KIAA0513: variants seen among roughly 807,000 people sequenced by gnomAD.
KIAA0513 encodes KIAA0513, also known as uncharacterized protein KIAA0513.
Under a neutral mutation model 56.5 loss-of-function variants are expected in KIAA0513, and 39 were observed. That is an observed-to-expected ratio of 0.69 (90% confidence interval 0.53 to 0.90). The LOEUF is 0.90. KIAA0513 is among the 40% of genes least tolerant of loss of function. KIAA0513 has a pLI of 0.00. For synonymous variants in KIAA0513, 268 were observed against 215.6 expected, an observed-to-expected ratio of 1.24 and a Z score of -2.13; for missense variants, 591 against 535.2, an observed-to-expected ratio of 1.10 and a Z score of -1.03.
chr16:85,037,228 C>A (rs780462312), intron 1 of KIAA0513, among the ~76,000 whole-genome samples: 5 of 151,934 alleles, frequency 3.3e-5, no homozygotes, highest in Admixed American at 6.6e-5. Flanking sequence ...GCGTGACTCA[C>A]AAGCAGATGA....
intron 6 of KIAA0513, 47 bp from the exon 7 acceptor site, chr16:85,078,368 G>A: frequency 3.7e-6 from 6 of 1,608,388 alleles, no homozygotes; most frequent in Non-Finnish European, 5.1e-6. Context: ...AGTTGAGAAA[G>A]TGTGGTGTGA....
At chr16:85,075,808 GCGAT>G in intron 4 of KIAA0513, 32 bp from the exon 5 acceptor site, 1 of 1,608,080 alleles carries the variant, frequency 6.2e-7, no homozygotes, top group Non-Finnish European at 8.5e-7. Flanking sequence ...AGCAGGTGGA[GCGAT>G]CTTTAGCCAT....
At chr16:85,056,542 C>T (rs1332093315) in intron 1 of KIAA0513, among the ~76,000 whole-genome samples, 1 of 152,222 alleles carries the variant, frequency 6.6e-6, no homozygotes, top group Non-Finnish European at 1.5e-5. Context: ...CCACTTAAAA[C>T]CCACCCAGCC....
At chr16:85,043,568 C>T (rs972385861) in intron 1 of KIAA0513, among the ~76,000 whole-genome samples, 4 of 152,044 alleles carry the variant, frequency 2.6e-5, no homozygotes, top group Admixed American at 1.3e-4. Flanking sequence ...TGCGCCACCA[C>T]ACCCGACTAA....
At chr16:85,064,381 A>T (rs972962536) in intron 1 of KIAA0513, among the ~76,000 whole-genome samples, 4 of 152,100 alleles carry the variant, frequency 2.6e-5, no homozygotes, top group African/African-American at 9.7e-5. Flanking sequence ...TGCAATGAGC[A>T]TTTTTCTCTA....
intron 1 of KIAA0513, among the ~76,000 whole-genome samples, chr16:85,062,733 C>T (rs760402185): frequency 2.6e-5 from 4 of 152,202 alleles, no homozygotes; most frequent in Non-Finnish European, 4.4e-5. Context: ...TGTAGAAGCT[C>T]TGATACTCCT....
At chr16:85,084,432 T>C (rs1431634856) in intron 10 of KIAA0513, among the ~76,000 whole-genome samples, 1 of 140,478 alleles carries the variant, frequency 7.1e-6, no homozygotes, top group South Asian at 2.3e-4. Flanking sequence ...TCGTTCTCTT[T>C]TTTTTTTTTT....
At chr16:85,087,307 C>T (rs1253329337) in intron 12 of KIAA0513, 141 bp downstream of exon 12, 6 of 675,758 alleles carry the variant, frequency 8.9e-6, no homozygotes, top group South Asian at 8.6e-5. Context: ...CGGCAGACGG[C>T]CCCTCCTTTC....
Position 85,093,170 on chromosome 16 carries a change from T to G in KIAA0513, c.*4845T>G, listed in dbSNP as rs1284884535. ...GCCTGCAGAGTGCAGTGAGTGAGAG[T>G]CCTTGGGAGCGCGGCGCTGCCTGTA... On this transcript the variant is annotated 3_prime_UTR_variant, in exon 13 of 13. Coordinates refer to ENST00000683363, the MANE Select transcript of KIAA0513 (RefSeq NM_001388359.1). 6.6e-6 allele frequency: 1 copy of G among 150,764 alleles called. No homozygotes were observed. The highest frequency in any genetic ancestry group is 6.6e-5 in the Admixed American group (1 of 15,186). 9.3% of individuals were successfully genotyped at this position (150,764 alleles called of 1,614,324 possible).
chr16:85,060,989 A>G (rs913731865), intron 1 of KIAA0513, among the ~76,000 whole-genome samples: 2 of 152,002 alleles, frequency 1.3e-5, no homozygotes, highest in African/African-American at 4.8e-5. Context: ...CCCCATCTCT[A>G]CTAAAAATAC....
chr16:85,047,719 G>C (rs1430742157), intron 1 of KIAA0513, among the ~76,000 whole-genome samples: 2 of 152,116 alleles, frequency 1.3e-5, no homozygotes, highest in Non-Finnish European at 2.9e-5. Flanking sequence ...CTCAGAACCA[G>C]GTGACCCCTT....
At chr16:85,033,855 C>T (rs1023186185) in intron 1 of KIAA0513, among the ~76,000 whole-genome samples, 3 of 152,170 alleles carry the variant, frequency 2.0e-5, no homozygotes, top group Non-Finnish European at 4.4e-5. Flanking sequence ...AGAAAGATGT[C>T]GTAGTTTGTC....
chr16:85,077,595 G>A lies in KIAA0513; in HGVS notation c.745G>A (p.Glu249Lys), dbSNP rs1232022775. Residue 249 changes from glutamate to lysine, a missense_variant, in exon 6 of 13, where the codon GAG becomes AAG. By Grantham distance (56) the Glu-to-Lys change is moderately conservative (BLOSUM62 1). Coordinates refer to ENST00000683363, the MANE Select transcript of KIAA0513 (RefSeq NM_001388359.1). ...TGTCAAGGGCTTCTTCGGGGGGCTG[G>A]AGACCAAGCTGAAGGGGCCCCTGGC... ...ENVKGFFGGLETKLKGPLARR... is the reference protein window; with the variant it reads ...ENVKGFFGGLKTKLKGPLARR... 1.9e-6 allele frequency: 3 copies of A among 1,613,790 alleles called. No individual in the cohort carries two copies.
intron 8 of KIAA0513, among the ~76,000 whole-genome samples, chr16:85,080,821 G>T (rs913305619): frequency 4.6e-5 from 7 of 152,158 alleles, no homozygotes; most frequent in African/African-American, 1.7e-4. Flanking sequence ...AATAAAATAA[G>T]AATGTTTTTT....
intron 1 of KIAA0513, among the ~76,000 whole-genome samples, chr16:85,059,211 G>A (rs978086710): frequency 6.6e-6 from 1 of 151,730 alleles, no homozygotes; most frequent in East Asian, 1.9e-4. Context: ...ATGACCTCAT[G>A]GTAGAAGTGA....
At chr16:85,054,563 G>A (rs112502738) in intron 1 of KIAA0513, among the ~76,000 whole-genome samples, 2,532 of 151,738 alleles carry the variant, frequency 0.017, 34 homozygotes, top group South Asian at 0.056. Context: ...CCAAGTAGCT[G>A]GGATTGCAGG....
At position 85,089,021 on chromosome 16, in the gene KIAA0513, G is replaced by A. The variant is rs2073841372; in HGVS notation, c.*696G>A. On this transcript the variant is annotated 3_prime_UTR_variant, in exon 13 of 13. Transcript: ENST00000683363. The surrounding 1 kb of genome is among the most constrained non-coding windows in gnomAD (Gnocchi z 4.2). Reference sequence around the variant, plus strand: ...CCTGCAGACGGCCCGGGAGCTGTGTGTCTCCGCCAGAGTCACAGCAGTGCC... The same window carrying A: ...CCTGCAGACGGCCCGGGAGCTGTGTATCTCCGCCAGAGTCACAGCAGTGCC... 6.6e-6 allele frequency: 1 copy of A among 152,330 alleles called. No individual in the cohort carries two copies. Among genetic ancestry groups the A allele is most frequent in the South Asian group, 2.1e-4 (1 of 4,844 alleles). 9.4% of individuals were successfully genotyped at this position (152,330 alleles called of 1,614,324 possible). A position where few individuals can be genotyped will look rare whatever the true frequency, so the allele number is the denominator to read the frequency against.
chr16:85,072,157 A>T (rs1644001629), intron 3 of KIAA0513, among the ~76,000 whole-genome samples: 1 of 152,174 alleles, frequency 6.6e-6, no homozygotes, highest in Non-Finnish European at 1.5e-5. Context: ...GCTTGAGACC[A>T]GCTTGGGCAA....
At chr16:85,058,376 G>A (rs1022746579) in intron 1 of KIAA0513, among the ~76,000 whole-genome samples, 4 of 152,244 alleles carry the variant, frequency 2.6e-5, no homozygotes, top group East Asian at 1.9e-4. Flanking sequence ...TGTTTTGGCC[G>A]GACGCGTTGG....
Sources: allele counts gnomAD v4.1 joint callset (sites outside exome capture counted in the v4.1 genomes callset), GRCh38; gene constraint gnomAD v4.1.1; non-coding constraint Gnocchi (gnomAD v3.1); transcripts MANE v1.5; gene names NCBI Gene and HGNC (gene_info 2026-07-23, HGNC 2026-07-21).